The following CNTNAP2 variants were observed in gnomAD, a reference collection of about 807,000 sequenced individuals.
The protein encoded by CNTNAP2 is contactin associated protein 2.
In CNTNAP2, 98 loss-of-function variants were observed where a neutral mutation model predicts 155.2. That is an observed-to-expected ratio of 0.63 (90% CI 0.54 to 0.75). The LOEUF (loss-of-function observed/expected upper bound fraction) is 0.75. Among genes scored for constraint, CNTNAP2 ranks in the 30% least tolerant of loss-of-function variants. The probability of loss-of-function intolerance (pLI) is 0.00; values close to 1 mark genes in which losing one functional copy is unlikely to be tolerated. For synonymous variants in CNTNAP2, 651 were observed against 631.2 expected (o/e 1.03, Z -0.47); for missense variants, 1,727 against 1,688.1 (o/e 1.02, Z -0.40).
chr7:147,837,981 C>T (rs1329748275), intron 13 of CNTNAP2, among the ~76,000 whole-genome samples: 1 of 152,194 alleles, frequency 6.6e-6, no homozygotes, highest in African/African-American at 2.4e-5. Context: ...CAGCAAATTT[C>T]TGCCTGGACA....
At chr7:146,439,975 T>A (rs930262286) in intron 1 of CNTNAP2, among the ~76,000 whole-genome samples, 1 of 151,270 alleles carries the variant, frequency 6.6e-6, no homozygotes, top group African/African-American at 2.5e-5. Context: ...AATACAAAAA[T>A]TAATCGAGTG....
At chr7:146,650,289 C>G (rs570080207) in intron 1 of CNTNAP2, among the ~76,000 whole-genome samples, 1 of 152,212 alleles carries the variant, frequency 6.6e-6, no homozygotes, top group East Asian at 1.9e-4. Context: ...AGACTTGGAC[C>G]AACCCAAATT....
chr7:148,349,641 TCCGC>T (rs1164795472), intron 21 of CNTNAP2, among the ~76,000 whole-genome samples: 4 of 152,244 alleles, frequency 2.6e-5, no homozygotes, highest in Middle Eastern at 3.4e-3. Context: ...GACCTCGTGA[TCCGC>T]CCGTCTCAGC....
At chr7:147,622,840 G>C (rs1275117255) in intron 12 of CNTNAP2, among the ~76,000 whole-genome samples, 2 of 151,790 alleles carry the variant, frequency 1.3e-5, no homozygotes, top group Non-Finnish European at 2.9e-5. Context: ...ACAAAAATTT[G>C]GTTTATTGAA....
intron 8 of CNTNAP2, among the ~76,000 whole-genome samples, chr7:147,166,832 A>G (rs1436520649): frequency 1.3e-5 from 2 of 152,170 alleles, no homozygotes; most frequent in Non-Finnish European, 2.9e-5. Context: ...AATGTCATCA[A>G]TTAAGACAGG....
chr7:146,565,403 G>A (rs1265874130), intron 1 of CNTNAP2, among the ~76,000 whole-genome samples: 1 of 151,600 alleles, frequency 6.6e-6, no homozygotes, highest in Non-Finnish European at 1.5e-5. Flanking sequence ...TTTTGTTAAT[G>A]TTAAATAACA....
At chr7:148,356,268 T>C (rs1490467542) in intron 21 of CNTNAP2, among the ~76,000 whole-genome samples, 3 of 152,078 alleles carry the variant, frequency 2.0e-5, no homozygotes, top group Non-Finnish European at 4.4e-5. Context: ...CTGCACTTTT[T>C]TTCCCATTTT....
At chr7:148,140,401 G>A (rs956155586) in intron 16 of CNTNAP2, among the ~76,000 whole-genome samples, 1 of 150,928 alleles carries the variant, frequency 6.6e-6, no homozygotes, top group African/African-American at 2.4e-5. Context: ...GCATGGTAAG[G>A]CCCCATCTTT....
At chr7:147,333,732 G>A (rs1272089866) in intron 9 of CNTNAP2, among the ~76,000 whole-genome samples, 1 of 152,088 alleles carries the variant, frequency 6.6e-6, no homozygotes, top group Non-Finnish European at 1.5e-5. Flanking sequence ...CCTACTTAGA[G>A]ACCTCTGTAC....
intron 13 of CNTNAP2, among the ~76,000 whole-genome samples, chr7:147,772,803 G>A (rs1396660948): frequency 6.6e-6 from 1 of 151,794 alleles, no homozygotes; most frequent in Non-Finnish European, 1.5e-5. Context: ...CCCACATACA[G>A]TCATAACCAT....
chr7:146,639,049 A>G (rs1230439367), intron 1 of CNTNAP2, among the ~76,000 whole-genome samples: 3 of 152,214 alleles, frequency 2.0e-5, no homozygotes, highest in Non-Finnish European at 2.9e-5. Flanking sequence ...AAAATATGGT[A>G]GGATTATCTT....
At chr7:146,405,528 T>C (rs1269916924) in intron 1 of CNTNAP2, among the ~76,000 whole-genome samples, 1 of 152,228 alleles carries the variant, frequency 6.6e-6, no homozygotes, top group African/African-American at 2.4e-5. Context: ...GGCCATTGAA[T>C]TTAAAGATAA....
chr7:147,404,493 A>G (rs902837357), intron 10 of CNTNAP2, among the ~76,000 whole-genome samples: 1 of 152,162 alleles, frequency 6.6e-6, no homozygotes, highest in Non-Finnish European at 1.5e-5. Flanking sequence ...TTTATTTCCC[A>G]TATTGGATTC....
chr7:148,090,169 G>C (rs1803811354), intron 15 of CNTNAP2, among the ~76,000 whole-genome samples: 1 of 151,938 alleles, frequency 6.6e-6, no homozygotes, highest in Non-Finnish European at 1.5e-5. Flanking sequence ...AAAACATAGG[G>C]AAAATGCTCT....
At chr7:147,244,538 T>C (rs530014434) in intron 8 of CNTNAP2, among the ~76,000 whole-genome samples, 1 of 152,336 alleles carries the variant, frequency 6.6e-6, no homozygotes, top group African/African-American at 2.4e-5. Flanking sequence ...ATTTCTTCCA[T>C]GTAAATGCCA....
At chr7:148,011,797 A>G (rs2116906084) in intron 15 of CNTNAP2, among the ~76,000 whole-genome samples, 1 of 152,350 alleles carries the variant, frequency 6.6e-6, no homozygotes, top group East Asian at 1.9e-4. Flanking sequence ...TCTCAGGAGA[A>G]TAGCTCTTCC....
chr7:147,348,848 T>C (rs369285630), intron 9 of CNTNAP2, among the ~76,000 whole-genome samples: 4 of 151,994 alleles, frequency 2.6e-5, no homozygotes, highest in African/African-American at 9.7e-5. Context: ...TGTGGCAAGA[T>C]GTATGGAACT....
At chr7:148,208,400 G>A (rs1182763772) in intron 18 of CNTNAP2, among the ~76,000 whole-genome samples, 1 of 152,200 alleles carries the variant, frequency 6.6e-6, no homozygotes, top group Non-Finnish European at 1.5e-5. Flanking sequence ...GTTGCAGGTT[G>A]GGAGTGATGG....
intron 8 of CNTNAP2, among the ~76,000 whole-genome samples, chr7:147,183,152 G>GA (rs71525991): frequency 0.17 from 23,417 of 138,998 alleles, 1,820 homozygotes; most frequent in Middle Eastern, 0.19. Context: ...CCAATGGTTA[G>GA]AAAAAAAAAA....
Sources: allele counts gnomAD v4.1 joint callset (sites outside exome capture counted in the v4.1 genomes callset), GRCh38; gene constraint gnomAD v4.1.1; transcripts MANE v1.5; gene names NCBI Gene and HGNC (gene_info 2026-07-23, HGNC 2026-07-21).